Variants in ZC3H14 observed in about 807,000 individuals in gnomAD.
ZC3H14 encodes zinc finger CCCH-type containing 14.
ZC3H14 carries 31 observed loss-of-function variants against 92.4 expected under a neutral mutation model. That is an observed-to-expected ratio of 0.34 (90% CI 0.25 to 0.45). The LOEUF (loss-of-function observed/expected upper bound fraction) is 0.45, where lower values mean the gene tolerates loss of function less well. Ranked by LOEUF, ZC3H14 falls within the 20% of genes least tolerant of loss-of-function variation. ZC3H14 has a pLI of 1.00. For synonymous variants in ZC3H14, 321 were observed against 300.9 expected, an observed-to-expected ratio of 1.07 and a Z score of -0.69; for missense variants, 781 against 897.3, an observed-to-expected ratio of 0.87 and a Z score of 1.66.
At chr14:88,598,315 C>G (rs1456502637) in intron 10 of ZC3H14, among the ~76,000 whole-genome samples, 3 of 152,180 alleles carry the variant, frequency 2.0e-5, no homozygotes, top group East Asian at 3.9e-4. Context: ...TCACTGCCTT[C>G]AAGACTTTCC....
chr14:88,584,436 A>G (rs565693412), intron 9 of ZC3H14, among the ~76,000 whole-genome samples: 1 of 152,366 alleles, frequency 6.6e-6, no homozygotes, highest in African/African-American at 2.4e-5. Context: ...ATACACATCT[A>G]TTATGAAGTT....
rs368568684 is a variant in ZC3H14, at chr14:88,574,123, ACT to A, written c.862-567_862-566del. ...GTAATTGCTAGTGAGCAACCAATTA[ACT>A]CTGTTTTATTAGTTTCCTCAATAGC... On this transcript the variant is annotated intron_variant, in intron 6 of 16. Transcript: ENST00000251038. 5.3e-5 allele frequency among the ~76,000 whole-genome samples: 8 copies of A among 152,192 alleles called. No homozygotes were observed. The South Asian group carries it at 1.0e-3, about 20-fold the overall frequency.
chr14:88,572,721 A>G lies in ZC3H14; in HGVS notation c.575A>G (p.Asn192Ser). Residue 192 changes from asparagine to serine, a missense_variant, in exon 6 of 17, where the codon AAT becomes AGT. Coordinates refer to ENST00000251038, the MANE Select transcript of ZC3H14 (RefSeq NM_024824.5). ...IDEDLNFVQE[N>S]PLSQKKPTVT... ...GAAGACCTCAACTTTGTGCAGGAGA[A>G]TCCCTTATCTCAGAAAAAACCTACA... 6.2e-7 allele frequency: 1 copy of G among 1,614,228 alleles called. No homozygotes were observed. Among genetic ancestry groups the G allele is most frequent in the Non-Finnish European group, 8.5e-7 (1 of 1,180,050 alleles).
In ZC3H14 at chr14:88,575,843, T is replaced by A; in HGVS notation, c.1026T>A (p.Pro342=). 1.2e-6 allele frequency: 2 copies of A among 1,612,882 alleles called. No individual in the cohort carries two copies. The highest frequency in any genetic ancestry group is 1.1e-5 in the South Asian group (1 of 91,042). ...ATACCTTTCTTAACTCTTTTAGACC[T>A]TCTCTTCCACCTTCTAAACAAGCTA... ...VSVPAKPERR[P]SLPPSKQANK... Residue 342 remains proline (P), a synonymous_variant, in exon 8 of 17, where the codon CCT becomes CCA. Coordinates refer to ENST00000251038, the MANE Select transcript of ZC3H14 (RefSeq NM_024824.5).
chr14:88,580,486 AAAAT>A (rs1409376696), intron 9 of ZC3H14, among the ~76,000 whole-genome samples: 3 of 152,234 alleles, frequency 2.0e-5, no homozygotes, highest in African/African-American at 4.8e-5. Context: ...CAGCAATTTA[AAAAT>A]AAATAAAATT....
chr14:88,571,149 A>G, intron 4 of ZC3H14, 25 bp downstream of exon 4: 1 of 1,539,030 alleles, frequency 6.5e-7, no homozygotes, highest in Non-Finnish European at 8.8e-7. Flanking sequence ...TTTTTTTTTT[A>G]ATTTCTGCTT....
intron 9 of ZC3H14, chr14:88,590,275 A>G (rs2082957300): frequency 6.6e-6 from 1 of 152,372 alleles, no homozygotes; most frequent in South Asian, 2.1e-4. Context: ...GTGATCCTTT[A>G]CACTGTAAAT....
intron 9 of ZC3H14, among the ~76,000 whole-genome samples, chr14:88,582,701 T>A (rs1329657368): frequency 6.6e-6 from 1 of 152,172 alleles, no homozygotes; most frequent in African/African-American, 2.4e-5. Context: ...ATACTGTGTT[T>A]TAAAAGGGGA....
At chr14:88,580,231 G>A (rs575640942) in intron 9 of ZC3H14, among the ~76,000 whole-genome samples, 122 of 152,256 alleles carry the variant, frequency 8.0e-4, no homozygotes, top group African/African-American at 2.8e-3. Context: ...CTGGAGCCCA[G>A]GAGGCTGAGG....
rs1165219011 is a variant in ZC3H14, at chr14:88,614,490, A to G, written c.*2739A>G. ...CAGAAAATAGGTATTAAGAATCTTC[A>G]TATATCCTGTCAGACCAAATGGGAT... On this transcript the variant is annotated 3_prime_UTR_variant, in exon 17 of 17. Coordinates refer to ENST00000251038, the MANE Select transcript of ZC3H14 (RefSeq NM_024824.5). 2 of 152,230 alleles carry G rather than the reference A, an allele frequency of 1.3e-5. No individual in the cohort carries two copies. The highest frequency in any genetic ancestry group is 4.8e-5 in the African/African-American group (2 of 41,464). 9.4% of individuals were successfully genotyped at this position (152,230 alleles called of 1,614,324 possible).
In ZC3H14 at chr14:88,626,633, C is replaced by A; in HGVS notation, c.*14882C>A. ...TACTGTGTCAAAAAAAAAAAAAAATCCTTTTCCCCCTCTCATTAACATTCT... is the reference window on the plus strand; with the variant it reads ...TACTGTGTCAAAAAAAAAAAAAAATACTTTTCCCCCTCTCATTAACATTCT... On this transcript the variant is annotated 3_prime_UTR_variant, in exon 17 of 17. Coordinates refer to ENST00000251038, the MANE Select transcript of ZC3H14 (RefSeq NM_024824.5). 1.7e-6 allele frequency: 1 copy of A among 582,014 alleles called. No homozygotes were observed. The highest frequency in any genetic ancestry group is 3.0e-6 in the Non-Finnish European group (1 of 338,546). 36.1% of individuals were successfully genotyped at this position (582,014 alleles called of 1,614,324 possible). A position where few individuals can be genotyped will look rare whatever the true frequency, so the allele number is the denominator to read the frequency against.
chr14:88,613,215 GCA>G lies in ZC3H14; in HGVS notation c.*1469_*1470del, dbSNP rs2087085791. 1 of 152,140 alleles carries G rather than the reference GCA, an allele frequency of 6.6e-6. No individual in the cohort carries two copies. Among genetic ancestry groups the G allele is most frequent in the Admixed American group, 6.5e-5 (1 of 15,268 alleles). The allele number at this position is 152,140 out of a possible 1,614,324, so 9.4% of individuals were successfully genotyped here. A position where few individuals can be genotyped will look rare whatever the true frequency, so the allele number is the denominator to read the frequency against. Reference sequence around the variant, plus strand: ...AAACACGAGAAGCAGCAAAGACAGAGCACACAAGTGCATAAGGCTGTTGTCTT... The same window carrying G: ...AAACACGAGAAGCAGCAAAGACAGAGCACAAGTGCATAAGGCTGTTGTCTT... On this transcript the variant is annotated 3_prime_UTR_variant, in exon 17 of 17. Coordinates refer to ENST00000251038, the MANE Select transcript of ZC3H14 (RefSeq NM_024824.5).
Position 88,616,035 on chromosome 14 carries a change from C to T in ZC3H14, c.*4284C>T. On this transcript the variant is annotated 3_prime_UTR_variant, in exon 17 of 17. Transcript: ENST00000251038. The stretch of plus-strand genomic sequence containing the variant: ...AGCCATCTGGTTATACTACCTTCTA[C>T]TAATGTTGACTAGCTGATTTCATAA... 1 of 1,315,272 alleles carries T rather than the reference C, an allele frequency of 7.6e-7. No homozygotes were observed. The highest frequency in any genetic ancestry group is 1.1e-6 in the Non-Finnish European group (1 of 921,204). 81.5% of individuals were successfully genotyped at this position (1,315,272 alleles called of 1,614,324 possible).
Position 88,618,394 on chromosome 14 carries a change from G to T in ZC3H14, c.*6643G>T, listed in dbSNP as rs2088126623. The T allele has an allele frequency of 7.8e-6, 11 of 1,418,808 alleles. No individual in the cohort carries two copies. Among genetic ancestry groups the T allele is most frequent in the East Asian group, 2.3e-5 (1 of 43,750 alleles). 87.9% of individuals were successfully genotyped at this position (1,418,808 alleles called of 1,614,324 possible). A position where few individuals can be genotyped will look rare whatever the true frequency, so the allele number is the denominator to read the frequency against. ...AGGTGAGAGACAAAATCCACAGGGG[G>T]TTTACAGAATACTAGCATATTGCTA... On this transcript the variant is annotated 3_prime_UTR_variant, in exon 17 of 17. Coordinates refer to ENST00000251038, the MANE Select transcript of ZC3H14 (RefSeq NM_024824.5).
chr14:88,611,568 GTA>G (rs1240474627), intron 16 of ZC3H14, among the ~76,000 whole-genome samples, 175 bp from the exon 17 acceptor site: 1 of 152,010 alleles, frequency 6.6e-6, no homozygotes, highest in Non-Finnish European at 1.5e-5. Context: ...ATTACATATG[GTA>G]TTATCTTTTA....
At position 88,625,001 on chromosome 14, in the gene ZC3H14, C is replaced by T; in HGVS notation, c.*13250C>T. 6.2e-7 allele frequency: 1 copy of T among 1,613,628 alleles called. No homozygotes were observed. The highest frequency in any genetic ancestry group is 8.5e-7 in the Non-Finnish European group (1 of 1,179,668). ...TCCTTTCCCCCAGTCACGATAAGTC[C>T]ATCTCGCAGGGTGGTGTACATGGCA... On this transcript the variant is annotated 3_prime_UTR_variant, in exon 17 of 17. Coordinates refer to ENST00000251038, the MANE Select transcript of ZC3H14 (RefSeq NM_024824.5).
At chr14:88,569,726 C>A (rs1176014994) in intron 3 of ZC3H14, among the ~76,000 whole-genome samples, 1 of 152,200 alleles carries the variant, frequency 6.6e-6, no homozygotes, top group Non-Finnish European at 1.5e-5. Flanking sequence ...TAAGTTCTTG[C>A]CTTTATACCA....
chr14:88,564,108 G>A (rs377467194), intron 2 of ZC3H14, among the ~76,000 whole-genome samples: 6 of 152,124 alleles, frequency 3.9e-5, no homozygotes, highest in African/African-American at 1.4e-4. Flanking sequence ...CACCATGCCT[G>A]TTTAAAGTTT....
chr14:88,619,021 T>C lies in ZC3H14; in HGVS notation c.*7270T>C. 1 of 413,118 alleles carries C rather than the reference T, an allele frequency of 2.4e-6. No homozygotes were observed. Among genetic ancestry groups the C allele is most frequent in the Non-Finnish European group, 4.1e-6 (1 of 243,326 alleles). The allele number at this position is 413,118 out of a possible 1,614,324, so 25.6% of individuals were successfully genotyped here. On this transcript the variant is annotated 3_prime_UTR_variant, in exon 17 of 17. Transcript: ENST00000251038. ...TTATATTTTACTTAAATTTTAAATA[T>C]TTCCCCAATTGTCATCTCCCAATTC... is the stretch of plus-strand genomic sequence containing the variant.
Sources: allele counts gnomAD v4.1 joint callset (sites outside exome capture counted in the v4.1 genomes callset), GRCh38; gene constraint gnomAD v4.1.1; transcripts MANE v1.5; gene names NCBI Gene and HGNC (gene_info 2026-07-23, HGNC 2026-07-21).